Variants in EGF observed in about 807,000 individuals in gnomAD.
EGF encodes the protein pro-epidermal growth factor.
A neutral mutation model predicts 143.8 loss-of-function variants in EGF; 95 were observed. That is an observed-to-expected ratio of 0.66 (90% confidence interval 0.56 to 0.78). EGF has a LOEUF of 0.78. Ranked by LOEUF, EGF falls within the 30% of genes least tolerant of loss-of-function variation. The pLI is 0.00. For synonymous variants in EGF, 510 were observed against 510.5 expected, an observed-to-expected ratio of 1.00 and a Z score of 0.01; for missense variants, 1,320 against 1,470.9, an observed-to-expected ratio of 0.90 and a Z score of 1.68.
At chr4:109,930,693 C>T (rs1739534321) in intron 1 of EGF, among the ~76,000 whole-genome samples, 1 of 152,180 alleles carries the variant, frequency 6.6e-6, no homozygotes, top group African/African-American at 2.4e-5. Context: ...TCTCTTCTCA[C>T]TTACCTGTGT....
chr4:109,945,896 A>C (rs371658247), intron 5 of EGF, among the ~76,000 whole-genome samples: 1 of 152,150 alleles, frequency 6.6e-6, no homozygotes, highest in Non-Finnish European at 1.5e-5. Flanking sequence ...TCAGTGGTTA[A>C]CTTTTGTTAT....
chr4:109,970,733 G>A (rs1747467821), intron 11 of EGF, among the ~76,000 whole-genome samples: 1 of 150,284 alleles, frequency 6.7e-6, no homozygotes, highest in African/African-American at 2.5e-5. Context: ...GCTGAGGCAG[G>A]AGAATGGCGT....
chr4:109,949,503 A>G (rs938156848), intron 5 of EGF, among the ~76,000 whole-genome samples: 1 of 152,080 alleles, frequency 6.6e-6, no homozygotes. Context: ...AACTATTCAT[A>G]TGGTTGTGTG....
intron 10 of EGF, 133 bp downstream of exon 10, chr4:109,964,670 A>G: frequency 7.7e-7 from 1 of 1,306,190 alleles, no homozygotes; most frequent in South Asian, 1.4e-5. Flanking sequence ...AACAAGTTAA[A>G]TATAGATATT....
intron 18 of EGF, among the ~76,000 whole-genome samples, chr4:109,990,664 G>A (rs776208609): frequency 2.6e-5 from 4 of 152,202 alleles, no homozygotes; most frequent in Non-Finnish European, 4.4e-5. Flanking sequence ...GAGGCTCGAA[G>A]TCCTAGATCA....
chr4:109,950,137 C>G (rs1276532073), intron 5 of EGF, among the ~76,000 whole-genome samples: 1 of 152,116 alleles, frequency 6.6e-6, no homozygotes, highest in Non-Finnish European at 1.5e-5. Context: ...TTTTCAAGGC[C>G]CTTATAGTTA....
intron 10 of EGF, among the ~76,000 whole-genome samples, chr4:109,966,016 A>C (rs1368865294): frequency 1.3e-5 from 2 of 151,624 alleles, no homozygotes; most frequent in Non-Finnish European, 2.9e-5. Context: ...TTAAATTATC[A>C]ACTGACCCAT....
At chr4:109,945,351 G>T (rs1016637253) in intron 5 of EGF, 76 bp downstream of exon 5, 29 of 1,488,302 alleles carry the variant, frequency 1.9e-5, no homozygotes, top group Non-Finnish European at 2.3e-5. Context: ...AGACAATGAG[G>T]CGTTGTAGGG....
chr4:109,987,436 C>T (rs1002339096), intron 16 of EGF, among the ~76,000 whole-genome samples: 10 of 152,102 alleles, frequency 6.6e-5, no homozygotes, highest in African/African-American at 2.4e-4. Flanking sequence ...TGGGACTATA[C>T]ACCAGTTTTC....
chr4:109,945,021 G>A (rs1742591054), intron 4 of EGF, 52 bp from the exon 5 acceptor site: 2 of 1,573,218 alleles, frequency 1.3e-6, no homozygotes, highest in South Asian at 1.1e-5. Flanking sequence ...ATTCTAATAA[G>A]ACAAGGAACA....
At position 109,921,798 on chromosome 4, in the gene EGF, C is replaced by T. The variant is rs564110997; in HGVS notation, c.127+8336C>T. Among the ~76,000 whole-genome samples the T allele has an allele frequency of 9.2e-5, 14 of 151,666 alleles. No individual in the cohort carries two copies. In the South Asian group the frequency reaches 2.9e-3, roughly 31 times the overall value. Reference sequence around the variant, plus strand: ...GAAATAGTGTTTTATTTCATTCACTCCAACACTTTTCTGGTTAAAATTTTA... The same window carrying T: ...GAAATAGTGTTTTATTTCATTCACTTCAACACTTTTCTGGTTAAAATTTTA... On this transcript the variant is annotated intron_variant, in intron 1 of 23. Coordinates refer to ENST00000265171, the MANE Select transcript of EGF (RefSeq NM_001963.6).
intron 13 of EGF, 141 bp from the exon 14 acceptor site, chr4:109,979,831 G>A (rs1045253901): frequency 3.1e-5 from 28 of 899,424 alleles, no homozygotes; most frequent in East Asian, 1.3e-4. Flanking sequence ...TGTGTGAGTC[G>A]GTGGCTCACT....
intron 1 of EGF, among the ~76,000 whole-genome samples, chr4:109,933,782 A>G (rs1440761231): frequency 6.6e-6 from 1 of 152,176 alleles, no homozygotes; most frequent in South Asian, 2.1e-4. Context: ...ATAGTATTCC[A>G]TGGTGTATAT....
Position 109,913,049 on chromosome 4 carries a change from C to T in EGF, c.-287C>T, listed in dbSNP as rs777956945. 4.7e-5 allele frequency: 18 copies of T among 384,468 alleles called. No individual in the cohort carries two copies. Among genetic ancestry groups the T allele is most frequent in the Non-Finnish European group, 6.0e-5 (12 of 201,366 alleles). 23.8% of individuals were successfully genotyped at this position (384,468 alleles called of 1,614,324 possible). On this transcript the variant is annotated 5_prime_UTR_variant, in exon 1 of 24. Coordinates refer to ENST00000265171, the MANE Select transcript of EGF (RefSeq NM_001963.6). ...AGTCAGCCAGAGCAGGGCTGTTAAA[C>T]TCTGTGAAATTTGTCATAAGGGTGT...
chr4:109,961,206 C>T, intron 7 of EGF, among the ~76,000 whole-genome samples: 1 of 150,404 alleles, frequency 6.6e-6, no homozygotes, highest in Non-Finnish European at 1.5e-5. Context: ...AAAAAAAAAA[C>T]TTAGCCAGGC....
At chr4:109,980,352 T>G (rs1749160060) in intron 14 of EGF, among the ~76,000 whole-genome samples, 1 of 152,210 alleles carries the variant, frequency 6.6e-6, no homozygotes, top group Non-Finnish European at 1.5e-5. Context: ...CCTCTTTTCT[T>G]GAACAACTTT....
chr4:109,986,058 C>T (rs1386348004), intron 16 of EGF, among the ~76,000 whole-genome samples: 1 of 152,084 alleles, frequency 6.6e-6, no homozygotes, highest in African/African-American at 2.4e-5. Flanking sequence ...ATAGACCTGG[C>T]AGAAATTGTC....
chr4:109,967,987 CAGTA>C (rs1391690265), intron 10 of EGF, among the ~76,000 whole-genome samples: 1 of 152,114 alleles, frequency 6.6e-6, no homozygotes. Context: ...CTGGATGAGT[CAGTA>C]AGTGAGTGGT....
chr4:109,946,709 A>C (rs1742925578), intron 5 of EGF, among the ~76,000 whole-genome samples: 1 of 152,330 alleles, frequency 6.6e-6, no homozygotes, highest in South Asian at 2.1e-4. Flanking sequence ...TATACAGTAG[A>C]TATTTATAAA....
Sources: gnomAD v4.1 joint callset for allele counts (sites outside exome capture counted in the v4.1 genomes callset) on GRCh38, gnomAD v4.1.1 for gene constraint, MANE v1.5 for transcripts, NCBI Gene and HGNC (gene_info 2026-07-23, HGNC 2026-07-21) for gene names.